Variants in BTBD2 observed in about 807,000 individuals in gnomAD.
BTBD2 encodes BTB/POZ domain-containing protein 2.
In BTBD2, 15 loss-of-function variants were observed where a neutral mutation model predicts 44.0. The ratio of observed to expected loss-of-function variants is 0.34; its 90% CI spans 0.23 to 0.53. The LOEUF (loss-of-function observed/expected upper bound fraction) is 0.53. BTBD2 is among the 20% of genes least tolerant of loss of function. BTBD2 has a pLI of 0.95. For missense variants in BTBD2, 657 were observed against 746.4 expected (o/e 0.88, Z 1.39); for synonymous variants, 443 against 335.9 (o/e 1.32, Z -3.49).
At chr19:2,013,944 A>AC (rs1568224796) in intron 1 of BTBD2, 1 of 137,752 alleles carries the variant, frequency 7.3e-6, no homozygotes, top group Non-Finnish European at 1.6e-5. Context: ...AAATAGCACG[A>AC]CCCCTGAAGG....
At chr19:1,989,202 G>A (rs563031484) in intron 5 of BTBD2, among the ~76,000 whole-genome samples, 1 of 152,284 alleles carries the variant, frequency 6.6e-6, no homozygotes, top group East Asian at 1.9e-4. Flanking sequence ...ACCAGCCCAG[G>A]TGACATAGCA....
At chr19:1,990,659 C>T (rs755704223) in intron 4 of BTBD2, 58 bp downstream of exon 4, 39 of 1,470,716 alleles carry the variant, frequency 2.7e-5, no homozygotes, top group Middle Eastern at 2.2e-4. Context: ...TGTCAATCCC[C>T]GGACCCTCCC....
intron 1 of BTBD2, among the ~76,000 whole-genome samples, chr19:1,997,971 T>TCCACACATGCACTCATTCATG (rs1568218289): frequency 6.6e-6 from 1 of 152,158 alleles, no homozygotes; most frequent in African/African-American, 2.4e-5. Context: ...ACTCATTCAT[T>TCCACACATGCACTCATTCATG]CATCCACACA....
chr19:2,002,782 C>A (rs1242857175), intron 1 of BTBD2: 1 of 148,300 alleles, frequency 6.7e-6, no homozygotes, highest in East Asian at 2.0e-4. Flanking sequence ...GAGGCTGAGG[C>A]AAGAGAATGG....
intron 1 of BTBD2, among the ~76,000 whole-genome samples, chr19:1,999,525 G>A (rs1341854263): frequency 2.0e-5 from 3 of 152,152 alleles, no homozygotes; most frequent in Non-Finnish European, 4.4e-5. Flanking sequence ...AATTAGCCAG[G>A]CATCGTGGTG....
chr19:2,004,336 C>A (rs1363706030), intron 1 of BTBD2, among the ~76,000 whole-genome samples: 1 of 146,594 alleles, frequency 6.8e-6, no homozygotes, highest in East Asian at 2.0e-4. Context: ...GTTGCCTAGG[C>A]TGGAGTGCAA....
chr19:1,988,760 T>A (rs1406821164), intron 5 of BTBD2, among the ~76,000 whole-genome samples: 1 of 145,718 alleles, frequency 6.9e-6, no homozygotes, highest in Non-Finnish European at 1.5e-5. Context: ...TGCGCCACCA[T>A]GCCCAGCTAA....
chr19:2,000,313 G>A (rs927341124), intron 1 of BTBD2, among the ~76,000 whole-genome samples: 1 of 152,226 alleles, frequency 6.6e-6, no homozygotes, highest in Non-Finnish European at 1.5e-5. Context: ...CAGGACAAAC[G>A]CTCCCCTCCC....
chr19:2,015,574 CGG>C lies in BTBD2; in HGVS notation c.128_129del (p.Ala43GlyfsTer104), dbSNP rs2016525302. The C allele has an allele frequency of 7.4e-5, 58 of 782,722 alleles. 2 individuals carry two copies. The South Asian group carries it at 1.5e-3, about 20-fold the overall frequency. The allele number at this position is 782,722 out of a possible 1,614,324, so 48.5% of individuals were successfully genotyped here. On this transcript the variant is annotated frameshift_variant, in exon 1 of 9. Coordinates refer to ENST00000255608, the MANE Select transcript of BTBD2 (RefSeq NM_017797.4). LOFTEE classifies it high-confidence loss of function. ...GCGGCGGCGGCGGCGGCGGCGGCGG[CGG>C]CGGCCGCGTTGCCGGGGGCCGGGGT... ...AATPAPGNAA[A>X]AAAAAAAAAA...
intron 1 of BTBD2, among the ~76,000 whole-genome samples, chr19:2,012,794 C>T (rs954701072): frequency 6.6e-6 from 1 of 152,172 alleles, no homozygotes; most frequent in Non-Finnish European, 1.5e-5. Context: ...ACTTTGCAAC[C>T]GAGCCAGCGG....
In BTBD2 at chr19:1,987,942, C is replaced by A. The variant is rs930302530; in HGVS notation, c.989-250G>T. On this transcript the variant is annotated intron_variant, in intron 5 of 8. Coordinates refer to ENST00000255608, the MANE Select transcript of BTBD2 (RefSeq NM_017797.4). ...TCAGGGGCGATGCCTCAGGGTCTGA[C>A]AGATGCACTCACTCAGGGGTGATGT... 7.7e-6 allele frequency: 4 copies of A among 518,230 alleles called. No individual in the cohort carries two copies. In the African/African-American group the frequency reaches 7.8e-5, roughly 10 times the overall value. The allele number at this position is 518,230 out of a possible 1,614,324, so 32.1% of individuals were successfully genotyped here. A position where few individuals can be genotyped will look rare whatever the true frequency, so the allele number is the denominator to read the frequency against.
intron 1 of BTBD2, among the ~76,000 whole-genome samples, chr19:2,011,764 C>T (rs1409922205): frequency 6.6e-6 from 1 of 152,160 alleles, no homozygotes; most frequent in Non-Finnish European, 1.5e-5. Flanking sequence ...CCTGCTCCTG[C>T]TCCTCAGCCC....
intron 2 of BTBD2, among the ~76,000 whole-genome samples, 164 bp from the exon 3 acceptor site, chr19:1,993,340 CCT>C (rs1341927194): frequency 5.9e-5 from 9 of 152,340 alleles, no homozygotes; most frequent in East Asian, 3.9e-4. Context: ...AGAATTAGCC[CCT>C]GTCCGTTGCC....
At position 1,990,860 on chromosome 19, in the gene BTBD2, T is replaced by C. The variant is rs1007962403; in HGVS notation, c.685-38A>G. On this transcript the variant is annotated intron_variant, in intron 3 of 8. Transcript: ENST00000255608. ...ATCGACGGGGGGCGCGGTGGGGACATCAGCACCCAGCCCTCGGCAGATCCC... is the reference window on the plus strand; with the variant it reads ...ATCGACGGGGGGCGCGGTGGGGACACCAGCACCCAGCCCTCGGCAGATCCC... 4.6e-6 allele frequency: 7 copies of C among 1,507,706 alleles called. No individual in the cohort carries two copies. In the African/African-American group the frequency reaches 8.3e-5, roughly 18 times the overall value. The allele number at this position is 1,507,706 out of a possible 1,614,324, so 93.4% of individuals were successfully genotyped here. A position where few individuals can be genotyped will look rare whatever the true frequency, so the allele number is the denominator to read the frequency against.
intron 2 of BTBD2, among the ~76,000 whole-genome samples, chr19:1,996,624 C>T (rs1466409643): frequency 6.6e-6 from 1 of 151,722 alleles, no homozygotes; most frequent in African/African-American, 2.4e-5. Flanking sequence ...TGGCTCATGC[C>T]TGTAATCCCA....
intron 2 of BTBD2, among the ~76,000 whole-genome samples, chr19:1,994,780 A>T (rs186111787): frequency 1.3e-5 from 2 of 152,022 alleles, no homozygotes; most frequent in Admixed American, 6.6e-5. Flanking sequence ...AAATAAAAAA[A>T]TATTTTTTTT....
intron 3 of BTBD2, among the ~76,000 whole-genome samples, chr19:1,992,676 A>G (rs2016195323): frequency 6.6e-6 from 1 of 152,036 alleles, no homozygotes; most frequent in South Asian, 2.1e-4. Context: ...GGTTCATGCA[A>G]TTCTCCTGCC....
At chr19:2,012,396 C>T (rs749725082) in intron 1 of BTBD2, among the ~76,000 whole-genome samples, 21 of 151,988 alleles carry the variant, frequency 1.4e-4, no homozygotes, top group Non-Finnish European at 1.3e-4. Context: ...GTGATCTGCC[C>T]GCCTCGGCCT....
intron 3 of BTBD2, 56 bp downstream of exon 3, chr19:1,992,964 G>A: frequency 8.3e-6 from 1 of 120,000 alleles, no homozygotes; most frequent in Non-Finnish European, 1.1e-5. Context: ...GCCCCACCCC[G>A]GCCCCGCCTC....
Sources: gnomAD v4.1 joint callset for allele counts (sites outside exome capture counted in the v4.1 genomes callset) on GRCh38, gnomAD v4.1.1 for gene constraint, MANE v1.5 for transcripts, NCBI Gene and HGNC (gene_info 2026-07-23, HGNC 2026-07-21) for gene names.